The following LARP1B variants were observed in gnomAD, a reference collection of about 807,000 sequenced individuals.
LARP1B encodes La ribonucleoprotein 1B, also known as la-related protein 1B.
Under a neutral mutation model 114.2 loss-of-function variants are expected in LARP1B, and 76 were observed. The ratio of observed to expected loss-of-function variants is 0.67; its 90% CI spans 0.55 to 0.81. The LOEUF (loss-of-function observed/expected upper bound fraction) is 0.81. Among genes scored for constraint, LARP1B ranks in the 30% least tolerant of loss-of-function variants. LARP1B has a pLI of 0.00. For missense variants in LARP1B, 1,014 were observed against 1,075.8 expected (o/e 0.94, Z 0.80); for synonymous variants, 345 against 348.0 (o/e 0.99, Z 0.10).
At chr4:128,064,353 A>G (rs1364323173) in intron 1 of LARP1B, among the ~76,000 whole-genome samples, 3 of 151,782 alleles carry the variant, frequency 2.0e-5, no homozygotes, top group Non-Finnish European at 4.4e-5. Flanking sequence ...GAACTCTCCA[A>G]AGAGGGAGAT....
At position 128,077,504 on chromosome 4, in the gene LARP1B, GC is replaced by G. The variant is rs376594212; in HGVS notation, c.43-279del. On this transcript the variant is annotated intron_variant, in intron 3 of 19. Coordinates refer to ENST00000326639, the MANE Select transcript of LARP1B (RefSeq NM_018078.4). ...CAACAAAGTGAGACTCTGTCCTCCC[GC>G]CCCCGCCCCTGCAAAAAAAAAAAGT... Among the ~76,000 whole-genome samples, 213 of 80,288 alleles carry G rather than the reference GC, an allele frequency of 2.7e-3. 2 individuals carry two copies. Among genetic ancestry groups the G allele is most frequent in the African/African-American group, 9.8e-3 (201 of 20,596 alleles). The allele number at this position is 80,288 out of a possible 152,430, so 52.7% of individuals were successfully genotyped here.
chr4:128,108,876 C>T (rs1003028601), intron 9 of LARP1B: 1 of 965,234 alleles, frequency 1.0e-6, no homozygotes, highest in Non-Finnish European at 1.2e-6. Flanking sequence ...TTTATGCATA[C>T]TAATAAAATT....
At chr4:128,148,193 G>A (rs1042566790) in intron 11 of LARP1B, among the ~76,000 whole-genome samples, 5 of 152,170 alleles carry the variant, frequency 3.3e-5, no homozygotes, top group Non-Finnish European at 7.3e-5. Flanking sequence ...CACTTTGGGA[G>A]GCTGAGGCAG....
intron 10 of LARP1B, among the ~76,000 whole-genome samples, chr4:128,117,253 G>A (rs369413272): frequency 1.7e-4 from 25 of 150,366 alleles, no homozygotes; most frequent in Middle Eastern, 3.4e-3. Flanking sequence ...TGCCCAGGCT[G>A]CAGTGGAGTG....
At chr4:128,107,854 G>GA (rs34678812) in intron 9 of LARP1B, 984,939 of 1,534,094 alleles carry the variant, frequency 0.64, 320,033 homozygotes, top group Middle Eastern at 0.82. Flanking sequence ...TCCCTCTTGG[G>GA]AAAAAATGTG....
intron 6 of LARP1B, among the ~76,000 whole-genome samples, chr4:128,219,702 G>A (rs1448541720): frequency 2.1e-5 from 3 of 142,320 alleles, no homozygotes; most frequent in African/African-American, 5.2e-5. Context: ...GCTAGATGAC[G>A]CGTTAGTGGG....
At chr4:128,155,187 A>C (rs1734900073) in intron 11 of LARP1B, among the ~76,000 whole-genome samples, 2 of 152,218 alleles carry the variant, frequency 1.3e-5, no homozygotes, top group Non-Finnish European at 2.9e-5. Context: ...AACCAAAATT[A>C]GGCTTTGGTT....
intron 1 of LARP1B, among the ~76,000 whole-genome samples, chr4:128,073,572 G>GTGTTTTTT (rs1766390055): frequency 2.5e-5 from 1 of 40,004 alleles, no homozygotes; most frequent in Non-Finnish European, 5.0e-5. Flanking sequence ...TATTGTTGTC[G>GTGTTTTTT]TTTTTTTTTT....
chr4:128,108,401 A>G, intron 9 of LARP1B: 7 of 986,914 alleles, frequency 7.1e-6, no homozygotes, highest in Non-Finnish European at 8.4e-6. Flanking sequence ...ACTTGGACAT[A>G]AGACTTATTA....
intron 12 of LARP1B, among the ~76,000 whole-genome samples, chr4:128,164,533 A>G (rs1331783582): frequency 6.6e-6 from 1 of 152,212 alleles, no homozygotes; most frequent in East Asian, 1.9e-4. Context: ...AAAGTAGTAA[A>G]TGAAACATGA....
At chr4:128,098,939 G>A (rs993134183) in intron 8 of LARP1B, among the ~76,000 whole-genome samples, 2 of 149,706 alleles carry the variant, frequency 1.3e-5, no homozygotes, top group African/African-American at 4.9e-5. Flanking sequence ...CATCATGCCC[G>A]GCTAATTTTT....
At chr4:128,122,587 G>A (rs1788375025) in intron 11 of LARP1B, 6 of 1,500,566 alleles carry the variant, frequency 4.0e-6, no homozygotes, top group Admixed American at 2.4e-5. Context: ...CACCGCAGCT[G>A]TATGAGCCAG....
chr4:128,084,892 C>T (rs901791700), intron 5 of LARP1B, among the ~76,000 whole-genome samples: 6 of 152,012 alleles, frequency 3.9e-5, no homozygotes, highest in African/African-American at 7.3e-5. Context: ...GATGGAGTCT[C>T]GTTCTGTTGC....
chr4:128,211,184 C>G lies in LARP1B; in HGVS notation c.*1131C>G, dbSNP rs1290433592. On this transcript the variant is annotated 3_prime_UTR_variant, in exon 20 of 20. Transcript: ENST00000326639. ...TTTTATTTAGAATATAGTTGAAAAG[C>G]TGTAATATTCAGTTTTGCTAGTAAA... The G allele has an allele frequency of 1.2e-5, 11 of 927,260 alleles. No homozygotes were observed. The highest frequency in any genetic ancestry group is 1.4e-5 in the Non-Finnish European group (11 of 777,172). 57.4% of individuals were successfully genotyped at this position (927,260 alleles called of 1,614,324 possible).
chr4:128,117,052 T>C (rs1786121225), intron 10 of LARP1B, among the ~76,000 whole-genome samples: 3 of 151,572 alleles, frequency 2.0e-5, no homozygotes, highest in East Asian at 2.0e-4. Context: ...GCTGGGACTA[T>C]AGGTGTGTGC....
intron 11 of LARP1B, among the ~76,000 whole-genome samples, chr4:128,138,388 CTAGA>C (rs1726389479): frequency 1.3e-5 from 2 of 152,170 alleles, no homozygotes; most frequent in South Asian, 4.2e-4. Context: ...AAAAGAAAGT[CTAGA>C]TAGTGCTATG....
chr4:128,176,559 G>T (rs1746259125), intron 12 of LARP1B, among the ~76,000 whole-genome samples: 1 of 152,034 alleles, frequency 6.6e-6, no homozygotes, highest in African/African-American at 2.4e-5. Context: ...CTCCCAAAGT[G>T]CTGGGATTAC....
intron 12 of LARP1B, among the ~76,000 whole-genome samples, chr4:128,171,895 A>G (rs931620464): frequency 6.0e-5 from 9 of 150,632 alleles, no homozygotes; most frequent in Non-Finnish European, 1.3e-4. Context: ...CAAGTAATGC[A>G]TCTCTAGCTA....
At chr4:128,109,935 ACT>A (rs1351082313) in intron 9 of LARP1B, among the ~76,000 whole-genome samples, 1 of 151,216 alleles carries the variant, frequency 6.6e-6, no homozygotes, top group Non-Finnish European at 1.5e-5. Context: ...ACGGAGCCTC[ACT>A]CTGTCGCTCA....
Sources: gnomAD v4.1 joint callset for allele counts (sites outside exome capture counted in the v4.1 genomes callset) on GRCh38, gnomAD v4.1.1 for gene constraint, MANE v1.5 for transcripts, NCBI Gene and HGNC (gene_info 2026-07-23, HGNC 2026-07-21) for gene names.